The following CDH13 variants were observed in gnomAD, a reference collection of about 807,000 sequenced individuals.
CDH13 encodes the protein cadherin 13.
A neutral mutation model predicts 63.8 loss-of-function variants in CDH13; 24 were observed. That is an observed-to-expected ratio of 0.38 (90% CI 0.27 to 0.53). CDH13 has a LOEUF of 0.53. Among genes scored for constraint, CDH13 ranks in the 20% least tolerant of loss-of-function variants. CDH13 has a pLI of 0.85. For missense variants in CDH13, 1,049 were observed against 903.1 expected (o/e 1.16, Z -2.07); for synonymous variants, 503 against 355.3 (o/e 1.42, Z -4.67).
intron 1 of CDH13, among the ~76,000 whole-genome samples, chr16:82,694,728 C>A (rs1348381754): frequency 6.6e-6 from 1 of 152,212 alleles, no homozygotes; most frequent in African/African-American, 2.4e-5. Context: ...CAGTATGATT[C>A]ACCCAATCAC....
intron 1 of CDH13, among the ~76,000 whole-genome samples, chr16:82,798,433 AG>A (rs1199043794): frequency 1.3e-5 from 2 of 152,240 alleles, no homozygotes; most frequent in Non-Finnish European, 2.9e-5. Flanking sequence ...CTTTCAATAC[AG>A]GGTTTCTTGA....
chr16:82,733,317 A>G (rs1404004589), intron 1 of CDH13, among the ~76,000 whole-genome samples: 2 of 152,226 alleles, frequency 1.3e-5, no homozygotes, highest in Non-Finnish European at 2.9e-5. Flanking sequence ...TGAGTTGTCC[A>G]TAAATAGTCA....
chr16:83,551,015 G>T (rs1273055382), intron 7 of CDH13, among the ~76,000 whole-genome samples: 1 of 151,806 alleles, frequency 6.6e-6, no homozygotes, highest in Admixed American at 6.6e-5. Context: ...TGATGAGTAA[G>T]CCTACCCCCA....
At chr16:83,043,969 C>G (rs890185473) in intron 3 of CDH13, among the ~76,000 whole-genome samples, 3 of 152,038 alleles carry the variant, frequency 2.0e-5, no homozygotes, top group African/African-American at 7.3e-5. Context: ...TTTTTAAGTA[C>G]TTAATAAGCA....
At position 83,512,900 on chromosome 16, in the gene CDH13, C is replaced by G. The variant is rs538920605; in HGVS notation, c.960+26245C>G. Among the ~76,000 whole-genome samples the G allele has an allele frequency of 7.9e-5, 12 of 152,116 alleles. No individual in the cohort carries two copies. In the South Asian group the frequency reaches 2.1e-3, roughly 26 times the overall value. ...ATAACCTGTGTTTTCAACAAACCCTCTAGATGATGCCAAGCCACACTAAAA... is the reference window on the plus strand; with the variant it reads ...ATAACCTGTGTTTTCAACAAACCCTGTAGATGATGCCAAGCCACACTAAAA... On this transcript the variant is annotated intron_variant, in intron 7 of 13. Coordinates refer to ENST00000567109, the MANE Select transcript of CDH13 (RefSeq NM_001257.5).
chr16:83,535,750 A>G (rs2075170546), intron 7 of CDH13, among the ~76,000 whole-genome samples: 1 of 144,876 alleles, frequency 6.9e-6, no homozygotes, highest in Non-Finnish European at 1.5e-5. Context: ...AAGTGAGTGA[A>G]TGGAAGGAAA....
intron 2 of CDH13, among the ~76,000 whole-genome samples, chr16:82,970,584 A>G (rs113320551): frequency 8.5e-6 from 1 of 118,192 alleles, no homozygotes; most frequent in African/African-American, 2.7e-5. Flanking sequence ...TATTTTTAGT[A>G]GAGACGGGGT....
chr16:82,833,635 G>T (rs117900178), intron 1 of CDH13, among the ~76,000 whole-genome samples: 388 of 152,278 alleles, frequency 2.5e-3, no homozygotes, highest in Non-Finnish European at 4.0e-3. Context: ...CTCCCGCTCT[G>T]TTCTTCCATC....
chr16:83,479,069 C>T (rs1293566402), intron 6 of CDH13, among the ~76,000 whole-genome samples: 1 of 152,170 alleles, frequency 6.6e-6, no homozygotes, highest in Non-Finnish European at 1.5e-5. Flanking sequence ...ACTAGTCATT[C>T]GACAGTTTCC....
chr16:83,734,065 G>A (rs938562238), intron 10 of CDH13, among the ~76,000 whole-genome samples: 6 of 152,088 alleles, frequency 3.9e-5, no homozygotes, highest in Admixed American at 3.9e-4. Context: ...CTCCCCTCCT[G>A]TGACCATCCA....
chr16:83,158,176 A>G (rs1259794680), intron 4 of CDH13, among the ~76,000 whole-genome samples: 1 of 152,010 alleles, frequency 6.6e-6, no homozygotes, highest in Admixed American at 6.5e-5. Flanking sequence ...CTCCCCCCGG[A>G]CAACAAGGTC....
chr16:83,078,472 T>C (rs556047522), intron 3 of CDH13, among the ~76,000 whole-genome samples: 134 of 152,344 alleles, frequency 8.8e-4, no homozygotes, highest in Non-Finnish European at 1.6e-3. Context: ...GTTTGTACTT[T>C]GTACTCCTAT....
At chr16:82,848,116 G>A (rs572888567) in intron 1 of CDH13, among the ~76,000 whole-genome samples, 1 of 152,322 alleles carries the variant, frequency 6.6e-6, no homozygotes, top group South Asian at 2.1e-4. Context: ...AAAATGTTAT[G>A]TATTGCTCTT....
chr16:83,151,922 A>G (rs1007330710), intron 4 of CDH13, among the ~76,000 whole-genome samples: 5 of 151,804 alleles, frequency 3.3e-5, no homozygotes, highest in African/African-American at 1.2e-4. Context: ...AGATCGCGCC[A>G]TTGCGCTCCA....
chr16:83,180,686 C>T (rs892202181), intron 4 of CDH13, among the ~76,000 whole-genome samples: 1 of 152,184 alleles, frequency 6.6e-6, no homozygotes, highest in African/African-American at 2.4e-5. Flanking sequence ...GCCATGCCTC[C>T]TTTTCACAGA....
chr16:83,561,049 C>A (rs553977300), intron 7 of CDH13, among the ~76,000 whole-genome samples: 15 of 152,212 alleles, frequency 9.9e-5, no homozygotes, highest in Admixed American at 9.8e-4. Context: ...TAATTCTCCT[C>A]TCAGACCTTC....
At chr16:83,602,048 G>T (rs531717768) in intron 7 of CDH13, among the ~76,000 whole-genome samples, 5 of 121,926 alleles carry the variant, frequency 4.1e-5, no homozygotes, top group Non-Finnish European at 8.0e-5. Context: ...AGCCGAGATT[G>T]CGCCACTGTA....
chr16:83,216,443 T>TATATATAAATATATATATATATAC (rs1472700247), intron 4 of CDH13, among the ~76,000 whole-genome samples: 22 of 93,434 alleles, frequency 2.4e-4, no homozygotes, highest in South Asian at 6.6e-4. Context: ...TATATATATA[T>TATATATAAATATATATATATATAC]ACACAACCCT....
intron 1 of CDH13, among the ~76,000 whole-genome samples, chr16:82,737,469 C>T (rs747594739): frequency 2.6e-5 from 4 of 152,218 alleles, no homozygotes; most frequent in South Asian, 2.1e-4. Context: ...ATCCTTGAAA[C>T]GTGCTCCTTA....
Sources: gnomAD v4.1 joint callset for allele counts (sites outside exome capture counted in the v4.1 genomes callset) on GRCh38, gnomAD v4.1.1 for gene constraint, MANE v1.5 for transcripts, NCBI Gene and HGNC (gene_info 2026-07-23, HGNC 2026-07-21) for gene names.